The following KCNK9 variants were observed in gnomAD, a reference collection of about 807,000 sequenced individuals.
KCNK9 encodes potassium channel subfamily K member 9.
Under a neutral mutation model 10.8 loss-of-function variants are expected in KCNK9, and 1 was observed. That is an observed-to-expected ratio of 0.09 (90% confidence interval 0.03 to 0.44). KCNK9 has a LOEUF of 0.44. Ranked by LOEUF, KCNK9 falls within the 20% of genes least tolerant of loss-of-function variation. KCNK9 has a pLI of 0.97. For missense variants in KCNK9, 303 were observed against 515.0 expected, an observed-to-expected ratio of 0.59 and a Z score of 3.98; for synonymous variants, 231 against 222.7, an observed-to-expected ratio of 1.04 and a Z score of -0.33.
intron 1 of KCNK9, among the ~76,000 whole-genome samples, chr8:139,641,937 G>T (rs1046512319): frequency 1.3e-5 from 2 of 152,218 alleles, no homozygotes; most frequent in Admixed American, 6.5e-5. Context: ...TGATGCACAG[G>T]CCTCCTCTCA....
intron 1 of KCNK9, among the ~76,000 whole-genome samples, chr8:139,680,444 TC>T: frequency 1.3e-5 from 2 of 152,266 alleles, no homozygotes; most frequent in South Asian, 4.2e-4. Context: ...GGGGCTATGA[TC>T]CTGGACAGCA....
intron 1 of KCNK9, among the ~76,000 whole-genome samples, chr8:139,685,505 T>A (rs986024408): frequency 6.6e-6 from 1 of 152,168 alleles, no homozygotes; most frequent in Non-Finnish European, 1.5e-5. Context: ...ATTGTTCAAC[T>A]CCCACCTATG....
At chr8:139,679,879 T>C (rs1816646954) in intron 1 of KCNK9, among the ~76,000 whole-genome samples, 1 of 152,328 alleles carries the variant, frequency 6.6e-6, no homozygotes, top group African/African-American at 2.4e-5. Context: ...CACTCTGTCC[T>C]GCAGCCCATG....
At chr8:139,623,710 C>T (rs912064168) in intron 1 of KCNK9, among the ~76,000 whole-genome samples, 2 of 152,156 alleles carry the variant, frequency 1.3e-5, no homozygotes, top group African/African-American at 2.4e-5. Context: ...CTCTGAGGAC[C>T]ACAGAGGTGG....
chr8:139,673,379 G>A (rs530351365), intron 1 of KCNK9, among the ~76,000 whole-genome samples: 1 of 152,354 alleles, frequency 6.6e-6, no homozygotes, highest in African/African-American at 2.4e-5. Flanking sequence ...CAATAAAGCC[G>A]CTACAAAAAT....
chr8:139,639,860 G>A (rs1815448678), intron 1 of KCNK9, among the ~76,000 whole-genome samples: 1 of 152,230 alleles, frequency 6.6e-6, no homozygotes, highest in African/African-American at 2.4e-5. Context: ...CTACACAGCT[G>A]GCCCTTAACC....
intron 1 of KCNK9, among the ~76,000 whole-genome samples, chr8:139,697,943 C>G (rs1460599360): frequency 1.3e-5 from 2 of 152,138 alleles, no homozygotes; most frequent in African/African-American, 4.8e-5. Context: ...GCATGGCCAG[C>G]TACCCTGCTG....
rs77786407 is a variant in KCNK9, at chr8:139,641,482, G to A, written c.284-22383C>T. 3.3e-3 allele frequency among the ~76,000 whole-genome samples: 507 copies of A among 152,294 alleles called. 4 individuals carry two copies. The highest frequency in any genetic ancestry group is 0.011 in the African/African-American group (457 of 41,556). On this transcript the variant is annotated intron_variant, in intron 1 of 1. Transcript: ENST00000520439. ...AGCAGTCCTGAGCCCCCTGAAATGG[G>A]CATCATGACCATTGCTGTTTTGGAG...
chr8:139,649,466 G>A (rs1815789458), intron 1 of KCNK9, among the ~76,000 whole-genome samples: 2 of 152,182 alleles, frequency 1.3e-5, no homozygotes, highest in South Asian at 4.1e-4. Context: ...GATGTGCCTT[G>A]CACACATGCT....
chr8:139,644,722 C>CCA (rs1554622192), intron 1 of KCNK9, among the ~76,000 whole-genome samples: 8 of 144,728 alleles, frequency 5.5e-5, no homozygotes, highest in Non-Finnish European at 7.6e-5. Flanking sequence ...CTGTCCCCCC[C>CCA]CCCCAGAGCC....
At chr8:139,678,903 A>G (rs1212408866) in intron 1 of KCNK9, among the ~76,000 whole-genome samples, 3 of 152,260 alleles carry the variant, frequency 2.0e-5, no homozygotes, top group Non-Finnish European at 4.4e-5. Context: ...AGCTAAATCC[A>G]GCTTTTACAT....
intron 1 of KCNK9, among the ~76,000 whole-genome samples, chr8:139,696,738 A>AGTGG (rs747830732): frequency 5.7e-4 from 79 of 139,010 alleles, no homozygotes; most frequent in South Asian, 1.4e-3. Flanking sequence ...TGAATAGATG[A>AGTGG]GTGGGTGGAT....
intron 1 of KCNK9, among the ~76,000 whole-genome samples, chr8:139,652,871 C>T (rs985899975): frequency 2.0e-5 from 3 of 152,200 alleles, no homozygotes; most frequent in Non-Finnish European, 4.4e-5. Flanking sequence ...AGGGGCCAGA[C>T]AGGGACAGGA....
chr8:139,641,872 G>A (rs1815516868), intron 1 of KCNK9, among the ~76,000 whole-genome samples: 1 of 152,158 alleles, frequency 6.6e-6, no homozygotes, highest in East Asian at 1.9e-4. Flanking sequence ...GACAGAGTGA[G>A]CACTCAGGGA....
intron 1 of KCNK9, among the ~76,000 whole-genome samples, chr8:139,634,084 T>C (rs1280301902): frequency 1.3e-5 from 2 of 152,258 alleles, no homozygotes; most frequent in African/African-American, 4.8e-5. Flanking sequence ...TTCACTCCCA[T>C]GTCCCTCAAC....
intron 1 of KCNK9, among the ~76,000 whole-genome samples, chr8:139,644,329 G>A (rs764505301): frequency 3.9e-5 from 6 of 152,164 alleles, no homozygotes; most frequent in African/African-American, 1.4e-4. Context: ...TCCTTCCAGC[G>A]GGCTCCCATT....
chr8:139,687,539 CACATATATTCATATATATGTAT>C lies in KCNK9; in HGVS notation c.283+15149_283+15170del, dbSNP rs1486443786. Among the ~76,000 whole-genome samples the C allele has an allele frequency of 2.8e-3, 123 of 44,416 alleles. 2 individuals are homozygous for C. The highest frequency in any genetic ancestry group is 7.1e-3 in the African/African-American group (97 of 13,726). 29.1% of individuals were successfully genotyped at this position (44,416 alleles called of 152,430 possible). ...ACACATATATTCATATATATGTATA[CACATATATTCATATATATGTAT>C]ACATATATTCATATATATGTATACA... On this transcript the variant is annotated intron_variant, in intron 1 of 1. Transcript: ENST00000520439.
intron 1 of KCNK9, among the ~76,000 whole-genome samples, chr8:139,631,061 T>G (rs948654834): frequency 6.6e-6 from 1 of 152,042 alleles, no homozygotes; most frequent in African/African-American, 2.4e-5. Context: ...TGGCGGGCAC[T>G]CGGGCGACTG....
At chr8:139,699,858 GC>G (rs1817157827) in intron 1 of KCNK9, among the ~76,000 whole-genome samples, 1 of 152,216 alleles carries the variant, frequency 6.6e-6, no homozygotes, top group African/African-American at 2.4e-5. Flanking sequence ...ATTCGTGGCC[GC>G]CCAGCACCAG....
Sources: allele counts gnomAD v4.1 joint callset (sites outside exome capture counted in the v4.1 genomes callset), GRCh38; gene constraint gnomAD v4.1.1; transcripts MANE v1.5; gene names NCBI Gene and HGNC (gene_info 2026-07-23, HGNC 2026-07-21).